The following PALM2AKAP2 variants were observed in gnomAD, a reference collection of about 807,000 sequenced individuals.
PALM2AKAP2 encodes the protein PALM2 and AKAP2 fusion.
PALM2AKAP2 carries 37 observed loss-of-function variants against 71.5 expected under a neutral mutation model. That is an observed-to-expected ratio of 0.52 (90% confidence interval 0.40 to 0.68). The LOEUF is 0.68. Ranked by LOEUF, PALM2AKAP2 falls within the 30% of genes least tolerant of loss-of-function variation. The pLI, the probability that PALM2AKAP2 is intolerant of heterozygous loss-of-function variation, is 0.00. For missense variants in PALM2AKAP2, 1,224 were observed against 1,191.8 expected, an observed-to-expected ratio of 1.03 and a Z score of -0.40; for synonymous variants, 468 against 478.8, an observed-to-expected ratio of 0.98 and a Z score of 0.29.
chr9:110,085,976 G>A (rs1001551286), intron 1 of PALM2AKAP2, among the ~76,000 whole-genome samples: 1 of 151,964 alleles, frequency 6.6e-6, no homozygotes, highest in Non-Finnish European at 1.5e-5. Context: ...GCATGGTGGT[G>A]TGTGCCTGTA....
chr9:109,978,255 A>G (rs946999557), intron 6 of PALM2AKAP2, among the ~76,000 whole-genome samples: 9 of 152,122 alleles, frequency 5.9e-5, no homozygotes, highest in Admixed American at 5.9e-4. Context: ...CAGAGATGTC[A>G]GTGGAGGTTG....
intron 3 of PALM2AKAP2, among the ~76,000 whole-genome samples, chr9:109,891,485 TTGTG>T (rs55756726): frequency 6.6e-6 from 1 of 151,224 alleles, no homozygotes; most frequent in Non-Finnish European, 1.5e-5. Flanking sequence ...ACTCATCATT[TTGTG>T]TGTGTGTGTG....
intron 1 of PALM2AKAP2, among the ~76,000 whole-genome samples, chr9:109,707,856 A>G (rs1042278019): frequency 6.6e-6 from 1 of 152,176 alleles, no homozygotes; most frequent in Non-Finnish European, 1.5e-5. Context: ...CATCCAATAA[A>G]TGATCTCATA....
chr9:109,943,431 TCTTTCTTCTC>T, intron 6 of PALM2AKAP2: 1 of 1,600,960 alleles, frequency 6.2e-7, no homozygotes. Context: ...TGTGACCACT[TCTTTCTTCTC>T]CTTTCTTCTG....
At chr9:110,133,901 A>G (rs1398218203) in intron 1 of PALM2AKAP2, among the ~76,000 whole-genome samples, 1 of 152,346 alleles carries the variant, frequency 6.6e-6, no homozygotes, top group East Asian at 1.9e-4. Flanking sequence ...GCAGCCAGTA[A>G]GTTTCAGCAT....
At chr9:109,728,989 A>G (rs1218753269) in intron 1 of PALM2AKAP2, among the ~76,000 whole-genome samples, 1 of 152,190 alleles carries the variant, frequency 6.6e-6, no homozygotes, top group East Asian at 1.9e-4. Context: ...TATTTTAACA[A>G]CATGTTAAAC....
At chr9:109,837,177 C>T (rs995118019) in intron 1 of PALM2AKAP2, among the ~76,000 whole-genome samples, 2 of 152,342 alleles carry the variant, frequency 1.3e-5, no homozygotes, top group Admixed American at 6.5e-5. Flanking sequence ...AACAGTGGAT[C>T]TCTCTGCAGA....
chr9:110,168,521 C>A (rs1216967645), exon 4 of PALM2AKAP2: 7 of 1,612,700 alleles, frequency 4.3e-6, no homozygotes, highest in Non-Finnish European at 5.9e-6. Context: ...CAGGAAGCGT[C>A]TTTGGTGCTT....
At chr9:109,666,729 C>T (rs1827490957) in intron 1 of PALM2AKAP2, among the ~76,000 whole-genome samples, 1 of 152,146 alleles carries the variant, frequency 6.6e-6, no homozygotes, top group Non-Finnish European at 1.5e-5. Flanking sequence ...TGGGAGTCAG[C>T]AGAAGGCTCC....
At chr9:109,868,354 C>T (rs1054862650) in intron 2 of PALM2AKAP2, among the ~76,000 whole-genome samples, 2 of 152,222 alleles carry the variant, frequency 1.3e-5, no homozygotes, top group African/African-American at 4.8e-5. Context: ...AATGTGACCA[C>T]ATTCCAATGG....
chr9:109,732,812 A>C (rs1048286658), intron 1 of PALM2AKAP2, among the ~76,000 whole-genome samples: 1 of 152,208 alleles, frequency 6.6e-6, no homozygotes, highest in Admixed American at 6.5e-5. Context: ...ATGCTCAGAG[A>C]AGTCCTCTTT....
At chr9:109,746,982 G>A (rs1245857520) in intron 1 of PALM2AKAP2, among the ~76,000 whole-genome samples, 1 of 152,170 alleles carries the variant, frequency 6.6e-6, no homozygotes, top group East Asian at 1.9e-4. Context: ...TAGAGAACAG[G>A]GACATGTCCA....
At chr9:109,908,609 A>G (rs1434411869) in intron 3 of PALM2AKAP2, among the ~76,000 whole-genome samples, 2 of 152,256 alleles carry the variant, frequency 1.3e-5, no homozygotes, top group African/African-American at 4.8e-5. Context: ...TGCTCAGTAA[A>G]TGTGAACTAT....
At chr9:109,664,597 C>G (rs113796293) in intron 1 of PALM2AKAP2, among the ~76,000 whole-genome samples, 1 of 152,190 alleles carries the variant, frequency 6.6e-6, no homozygotes, top group Non-Finnish European at 1.5e-5. Context: ...GGTAACTCAA[C>G]CTTTCTCTCT....
chr9:109,918,361 T>C (rs897294086), intron 3 of PALM2AKAP2, among the ~76,000 whole-genome samples: 1 of 152,208 alleles, frequency 6.6e-6, no homozygotes, highest in African/African-American at 2.4e-5. Context: ...TTGGCCATGA[T>C]TGCAACCTCA....
chr9:109,685,487 A>C (rs1311624904), intron 1 of PALM2AKAP2, among the ~76,000 whole-genome samples: 1 of 152,142 alleles, frequency 6.6e-6, no homozygotes, highest in African/African-American at 2.4e-5. Flanking sequence ...TTATGTTTAC[A>C]CTATACTATA....
intron 3 of PALM2AKAP2, among the ~76,000 whole-genome samples, chr9:109,905,873 C>T (rs1393628235): frequency 6.6e-6 from 1 of 152,074 alleles, no homozygotes; most frequent in African/African-American, 2.4e-5. Context: ...TCCTGTAATC[C>T]CAGCATTTTG....
chr9:110,013,019 C>T (rs1832911864), intron 6 of PALM2AKAP2, among the ~76,000 whole-genome samples: 1 of 152,144 alleles, frequency 6.6e-6, no homozygotes, highest in Admixed American at 6.5e-5. Context: ...CTTGACAAAC[C>T]ATCCCAAAAC....
chr9:109,660,348 C>T (rs575006624), intron 1 of PALM2AKAP2, among the ~76,000 whole-genome samples: 1 of 152,064 alleles, frequency 6.6e-6, no homozygotes, highest in African/African-American at 2.4e-5. Flanking sequence ...CCTCCCCAAC[C>T]CCCCCAACTC....
Sources: gnomAD v4.1 joint callset for allele counts (sites outside exome capture counted in the v4.1 genomes callset) on GRCh38, gnomAD v4.1.1 for gene constraint, MANE v1.5 for transcripts, NCBI Gene and HGNC (gene_info 2026-07-23, HGNC 2026-07-21) for gene names.